The following LRRC32 variants were observed in gnomAD, a reference collection of about 807,000 sequenced individuals.
LRRC32 encodes leucine rich repeat containing 32.
LRRC32 carries 5 observed loss-of-function variants against 15.0 expected under a neutral mutation model. The observed-to-expected ratio is 0.33, with a 90% CI of 0.17 to 0.70. The LOEUF (loss-of-function observed/expected upper bound fraction) is 0.70, where lower values mean the gene tolerates loss of function less well. Ranked by LOEUF, LRRC32 falls within the 30% of genes least tolerant of loss-of-function variation. The pLI, the probability that LRRC32 is intolerant of heterozygous loss-of-function variation, is 0.66. For missense variants in LRRC32, 803 were observed against 854.2 expected (o/e 0.94, Z 0.75); for synonymous variants, 391 against 403.9 (o/e 0.97, Z 0.38).
At chr11:76,662,774 T>C (rs1952558680) in intron 2 of LRRC32, 1 of 152,328 alleles carries the variant, frequency 6.6e-6, no homozygotes, top group African/African-American at 2.4e-5. Flanking sequence ...AAAGCTCTAC[T>C]CTGACAATGA....
Position 76,660,983 on chromosome 11 carries a change from G to A in LRRC32, c.610C>T (p.Leu204Phe), listed in dbSNP as rs1267228327. 2.5e-6 allele frequency: 4 copies of A among 1,614,190 alleles called. No individual in the cohort carries two copies. The highest frequency in any genetic ancestry group is 2.2e-5 in the South Asian group (2 of 91,084). ...EGLPRLTHLN[L>F]SRNSLTCISD... is the part of the protein sequence containing the mutation. ...ATGCAGGTGAGGGAATTCCTGGAGA[G>A]GTTGAGATGGGTCAGGCGGGGCAGA... Residue 204 changes from leucine to phenylalanine, a missense_variant, in exon 3 of 3, where the codon CTC (leucine) becomes TTC (phenylalanine). By Grantham distance (22) the Leu-to-Phe change is conservative. Transcript: ENST00000260061.
At position 76,659,862 on chromosome 11, in the gene LRRC32, G is replaced by C. The variant is rs774722670; in HGVS notation, c.1731C>G (p.Gly577=). 22 of 1,613,934 alleles carry C rather than the reference G, an allele frequency of 1.4e-5. No homozygotes were observed. Among genetic ancestry groups the C allele is most frequent in the Non-Finnish European group, 1.7e-5 (20 of 1,180,030 alleles). ...GCAGCTGGGCTGCCAGCCAGCCATT[G>C]CCGCAGCAGCTGAGTGGATTCCCCT... The part of the protein sequence containing the change: ...YLQGNPLSCC[G]NGWLAAQLHQ... The change falls in exon 3 of 3, where the codon GGC becomes GGG. Residue 577 remains glycine, a synonymous_variant. Coordinates refer to ENST00000260061, the MANE Select transcript of LRRC32 (RefSeq NM_001128922.2).
At chr11:76,666,068 C>A in intron 1 of LRRC32, 110 bp from the exon 2 acceptor site, 1 of 946,228 alleles carries the variant, frequency 1.1e-6, no homozygotes, top group Non-Finnish European at 1.7e-6. Flanking sequence ...CCCCAGAGCA[C>A]GGCTGGAGCT....
chr11:76,659,227 G>T lies in LRRC32; in HGVS notation c.*377C>A, dbSNP rs1952466179. ...TAAGCACACTGCGTGGCGGCCACGT[G>T]GCTCTGCAGCACTCTCTCCTACCAG... On this transcript the variant is annotated 3_prime_UTR_variant, in exon 3 of 3. Coordinates refer to ENST00000260061, the MANE Select transcript of LRRC32 (RefSeq NM_001128922.2). 1 of 228,842 alleles carries T rather than the reference G, an allele frequency of 4.4e-6. No homozygotes were observed. Among genetic ancestry groups the T allele is most frequent in the Non-Finnish European group, 8.6e-6 (1 of 116,018 alleles). The allele number at this position is 228,842 out of a possible 1,614,324, so 14.2% of individuals were successfully genotyped here.
chr11:76,668,257 C>T (rs1163423104), intron 1 of LRRC32, among the ~76,000 whole-genome samples: 2 of 152,138 alleles, frequency 1.3e-5, no homozygotes, highest in African/African-American at 4.8e-5. Flanking sequence ...GACTGCTCTC[C>T]CTGAAAGAGA....
In LRRC32 at chr11:76,661,379, A is replaced by G. The variant is rs951211994; in HGVS notation, c.214T>C (p.Tyr72His). 75 of 1,614,084 alleles carry G rather than the reference A, an allele frequency of 4.6e-5. No homozygotes were observed. Among genetic ancestry groups the G allele is most frequent in the Non-Finnish European group, 6.1e-5 (72 of 1,180,012 alleles). The change falls in exon 3 of 3, where the codon TAC (tyrosine) becomes CAC (histidine). Residue 72 changes from tyrosine to histidine, a missense_variant. By Grantham distance (83) the Tyr-to-His change is moderately conservative. Coordinates refer to ENST00000260061, the MANE Select transcript of LRRC32 (RefSeq NM_001128922.2). ...RSILASPLGF[Y>H]TALRHLDLST... Reference sequence around the variant, plus strand: ...AGGTCCAGGTGACGAAGTGCTGTGTAGAAGCCCAGGGGTGAGGCCAGGATA... The same window carrying G: ...AGGTCCAGGTGACGAAGTGCTGTGTGGAAGCCCAGGGGTGAGGCCAGGATA...
intron 1 of LRRC32, among the ~76,000 whole-genome samples, chr11:76,668,900 C>T (rs999686416): frequency 6.6e-5 from 10 of 152,336 alleles, no homozygotes; most frequent in Middle Eastern, 3.4e-3. Context: ...TGGCATCTGA[C>T]GGGAAGGGCC....
chr11:76,670,196 G>T (rs1231601058), intron 1 of LRRC32, among the ~76,000 whole-genome samples: 2 of 152,226 alleles, frequency 1.3e-5, no homozygotes, highest in Non-Finnish European at 2.9e-5. Flanking sequence ...GGAGAGCGGT[G>T]GGTGCCCCCT....
In LRRC32 at chr11:76,660,665, T is replaced by G. The variant is rs755629857; in HGVS notation, c.928A>C (p.Ser310Arg). Residue 310 changes from serine (S) to arginine (R), a missense_variant, in exon 3 of 3, where the codon AGC (serine) becomes CGC (arginine). Ser to Arg is a moderately radical substitution (Grantham distance 110). Coordinates refer to ENST00000260061, the MANE Select transcript of LRRC32 (RefSeq NM_001128922.2). Reference sequence around the variant, plus strand: ...AAGAGCTGGGAAAGGGGGCGGCCGCTGGCATTCCCGCTGGGGGCTGAGAGG... The same window carrying G: ...AAGAGCTGGGAAAGGGGGCGGCCGCGGGCATTCCCGCTGGGGGCTGAGAGG... ...LPLSAPSGNA[S>R]GRPLSQLLNL... 1.2e-6 allele frequency: 2 copies of G among 1,614,084 alleles called. No individual in the cohort carries two copies. Among genetic ancestry groups the G allele is most frequent in the Admixed American group, 3.3e-5 (2 of 60,024 alleles).
intron 1 of LRRC32, among the ~76,000 whole-genome samples, chr11:76,669,390 AGAGAGAGAGAGAGT>A (rs1952677179): frequency 1.5e-5 from 2 of 129,082 alleles, no homozygotes; most frequent in Non-Finnish European, 3.3e-5. Flanking sequence ...TGTGTGTGAG[AGAGAGAGAGAGAGT>A]GAGAGAGAAA....
chr11:76,663,242 A>G (rs1011905846), intron 2 of LRRC32: 1 of 152,248 alleles, frequency 6.6e-6, no homozygotes. Flanking sequence ...GCACTGAATC[A>G]ATCACTTCTC....
intron 2 of LRRC32, 23 bp from the exon 3 acceptor site, chr11:76,661,531 G>C: frequency 6.4e-7 from 1 of 1,562,368 alleles, no homozygotes; most frequent in Non-Finnish European, 8.7e-7. Context: ...AGGGTGGGGA[G>C]ACAGCTGGCA....
chr11:76,661,356 G>A lies in LRRC32; in HGVS notation c.237C>T (p.Asp79=). The change falls in exon 3 of 3, where the codon GAC becomes GAT. Residue 79 remains aspartate (D), a synonymous_variant. Transcript: ENST00000260061. The stretch of plus-strand genomic sequence containing the variant: ...GGAAGCTGATCTCATTGGTGCTCAG[G>A]TCCAGGTGACGAAGTGCTGTGTAGA... The part of the protein sequence containing the change: ...LGFYTALRHL[D]LSTNEISFLQ... The A allele has an allele frequency of 6.2e-7, 1 of 1,614,186 alleles. No individual in the cohort carries two copies. The highest frequency in any genetic ancestry group is 1.1e-5 in the South Asian group (1 of 91,088).
chr11:76,665,784 C>G (rs1364962627), intron 2 of LRRC32, 87 bp downstream of exon 2: 1 of 1,587,602 alleles, frequency 6.3e-7, no homozygotes, highest in Admixed American at 1.7e-5. Flanking sequence ...ACTCTTCTAA[C>G]TTCTGGCTTC....
Position 76,660,804 on chromosome 11 carries a change from C to T in LRRC32, c.789G>A (p.Ala263=), listed in dbSNP as rs770406771. ...NKLLHFPDLA[A]LPRLIYLNLS... is the part of the protein sequence containing the mutation. ...AGTTCAGGTAGATGAGTCTCGGGAG[C>T]GCGGCCAGGTCGGGGAAATGGAGCA... is the stretch of plus-strand genomic sequence containing the variant. The change falls in exon 3 of 3, where the codon GCG becomes GCA. Residue 263 remains alanine (A), a synonymous_variant. Coordinates refer to ENST00000260061, the MANE Select transcript of LRRC32 (RefSeq NM_001128922.2). 13 of 1,613,936 alleles carry T rather than the reference C, an allele frequency of 8.1e-6. 1 individual carries two copies. The highest frequency in any genetic ancestry group is 2.7e-5 in the African/African-American group (2 of 74,866).
At chr11:76,663,080 A>C (rs1216935759) in intron 2 of LRRC32, 3 of 152,320 alleles carry the variant, frequency 2.0e-5, no homozygotes, top group African/African-American at 7.2e-5. Flanking sequence ...TGCCCCGCTG[A>C]ATTGTGGCTG....
Position 76,660,734 on chromosome 11 carries a change from T to C in LRRC32, c.859A>G (p.Ser287Gly). The C allele has an allele frequency of 6.2e-7, 1 of 1,614,034 alleles. No individual in the cohort carries two copies. The highest frequency in any genetic ancestry group is 8.5e-7 in the Non-Finnish European group (1 of 1,179,992). ...IRLPTGPPQD[S>G]KGIHAPSEGW... ...TCGGAAGGTGCGTGGATGCCCTTGC[T>C]GTCCTGGGGTGGCCCTGTGGGGAGC... Residue 287 changes from serine to glycine, a missense_variant, in exon 3 of 3, where the codon AGC (serine) becomes GGC (glycine). Coordinates refer to ENST00000260061, the MANE Select transcript of LRRC32 (RefSeq NM_001128922.2).
chr11:76,667,781 T>A (rs1163933298), intron 1 of LRRC32, among the ~76,000 whole-genome samples: 1 of 152,216 alleles, frequency 6.6e-6, no homozygotes. Flanking sequence ...CCAGCCTGCT[T>A]CCCCGGTGTC....
Position 76,665,947 on chromosome 11 carries a change from G to T in LRRC32, c.8C>A (p.Pro3His). 6.2e-7 allele frequency: 1 copy of T among 1,613,976 alleles called. No homozygotes were observed. Among genetic ancestry groups the T allele is most frequent in the Non-Finnish European group, 8.5e-7 (1 of 1,179,936 alleles). The change falls in exon 2 of 3, where the codon CCC (proline) becomes CAC (histidine). Residue 3 changes from proline to histidine, a missense_variant. Physicochemically the swap from Pro to His is moderately conservative, Grantham distance 77 (BLOSUM62 -2). Coordinates refer to ENST00000260061, the MANE Select transcript of LRRC32 (RefSeq NM_001128922.2). MR[P>H]QILLLLALLT... ...CAGGGCCAGGAGCAGCAGGATCTGG[G>T]GTCTCATGGCTCTGTGTAAGGCGGA...
Sources: allele counts gnomAD v4.1 joint callset (sites outside exome capture counted in the v4.1 genomes callset), GRCh38; gene constraint gnomAD v4.1.1; transcripts MANE v1.5; gene names NCBI Gene and HGNC (gene_info 2026-07-23, HGNC 2026-07-21).